IQCM: variants seen among roughly 807,000 people sequenced by gnomAD.
IQCM encodes IQ domain-containing protein M.
Under a neutral mutation model 57.6 loss-of-function variants are expected in IQCM, and 45 were observed. The observed-to-expected ratio is 0.78, with a 90% CI of 0.62 to 1.00. The LOEUF (loss-of-function observed/expected upper bound fraction) is 1.00, where lower values mean the gene tolerates loss of function less well. Among genes scored for constraint, IQCM ranks in the 50% least tolerant of loss-of-function variants. The pLI is 0.00. For missense variants in IQCM, 468 were observed against 511.6 expected (o/e 0.91, Z 0.82); for synonymous variants, 148 against 158.9 (o/e 0.93, Z 0.51).
chr4:149,449,889 G>A (rs971440596), intron 12 of IQCM, among the ~76,000 whole-genome samples: 2 of 151,468 alleles, frequency 1.3e-5, no homozygotes, highest in East Asian at 1.9e-4. Flanking sequence ...AAAAAAGACC[G>A]AGAGTAGCCA....
At chr4:149,541,775 A>C (rs1475091187) in intron 12 of IQCM, among the ~76,000 whole-genome samples, 1 of 152,074 alleles carries the variant, frequency 6.6e-6, no homozygotes, top group Non-Finnish European at 1.5e-5. Context: ...GAATGAAAAA[A>C]AAAGAGCTAA....
intron 13 of IQCM, among the ~76,000 whole-genome samples, chr4:149,398,100 T>A (rs1732356861): frequency 2.0e-5 from 3 of 152,036 alleles, no homozygotes; most frequent in African/African-American, 7.2e-5. Context: ...CACAATTTCA[T>A]TGTTTTGAAT....
At chr4:149,742,283 G>A (rs1244575419) in intron 3 of IQCM, among the ~76,000 whole-genome samples, 1 of 152,070 alleles carries the variant, frequency 6.6e-6, no homozygotes, top group Admixed American at 6.5e-5. Flanking sequence ...ATCATCACTT[G>A]AAAAAATAGA....
At position 149,792,427 on chromosome 4, in the gene IQCM, G is replaced by A. The variant is rs1354913761; in HGVS notation, c.-49+22884C>T. Among the ~76,000 whole-genome samples, 4 of 152,002 alleles carry A rather than the reference G, an allele frequency of 2.6e-5. No individual in the cohort carries two copies. In the South Asian group the frequency reaches 6.2e-4, roughly 24 times the overall value. ...AAAAAAATATAAAATTTTCAGGCAGGAGCACTTTATACTATGTGATGTTAA... is the reference window on the plus strand; with the variant it reads ...AAAAAAATATAAAATTTTCAGGCAGAAGCACTTTATACTATGTGATGTTAA... On this transcript the variant is annotated intron_variant, in intron 2 of 13. Coordinates refer to ENST00000636793, the MANE Select transcript of IQCM (RefSeq NM_001363507.2).
At chr4:149,553,883 A>G (rs1020467593) in intron 10 of IQCM, among the ~76,000 whole-genome samples, 2 of 152,186 alleles carry the variant, frequency 1.3e-5, no homozygotes, top group Admixed American at 1.3e-4. Flanking sequence ...ACATTCCACC[A>G]GAACAATTTT....
At chr4:149,638,559 C>T (rs1327540573) in intron 7 of IQCM, among the ~76,000 whole-genome samples, 3 of 151,632 alleles carry the variant, frequency 2.0e-5, no homozygotes, top group African/African-American at 4.9e-5. Context: ...GACTACTACT[C>T]GTTAATAAAA....
intron 2 of IQCM, among the ~76,000 whole-genome samples, chr4:149,811,677 C>T (rs1774580450): frequency 6.6e-6 from 1 of 152,168 alleles, no homozygotes; most frequent in Non-Finnish European, 1.5e-5. Flanking sequence ...AGTGAACCCA[C>T]TTCAGTGCTC....
intron 2 of IQCM, among the ~76,000 whole-genome samples, chr4:149,814,811 G>A (rs765478109): frequency 6.6e-6 from 1 of 151,912 alleles, no homozygotes; most frequent in Admixed American, 6.6e-5. Context: ...TGATGGTTCT[G>A]TATATGACCA....
intron 9 of IQCM, among the ~76,000 whole-genome samples, chr4:149,574,467 A>G (rs1467920517): frequency 6.6e-6 from 1 of 151,988 alleles, no homozygotes; most frequent in Non-Finnish European, 1.5e-5. Flanking sequence ...TGAGAGAAAG[A>G]ACAGGGCTGA....
intron 13 of IQCM, among the ~76,000 whole-genome samples, chr4:149,374,784 T>C (rs1730592595): frequency 6.6e-6 from 1 of 152,124 alleles, no homozygotes; most frequent in African/African-American, 2.4e-5. Context: ...TTTACCACTG[T>C]GGTTACTTGC....
intron 13 of IQCM, among the ~76,000 whole-genome samples, chr4:149,379,339 A>C (rs1730918374): frequency 6.6e-6 from 1 of 152,166 alleles, no homozygotes; most frequent in African/African-American, 2.4e-5. Context: ...TGCACCCTGC[A>C]CATGGAAAAT....
rs976622631 is a variant in IQCM at position 149,642,916 on chromosome 4, A to C, written c.566-21672T>G. Among the ~76,000 whole-genome samples the C allele has an allele frequency of 2.0e-5, 3 of 152,180 alleles. No individual in the cohort carries two copies. In the East Asian group the frequency reaches 5.8e-4, roughly 29 times the overall value. On this transcript the variant is annotated intron_variant, in intron 7 of 13. Transcript: ENST00000636793. ...AACTGGTGGTTACTTAGCAGAACTC[A>C]TACACAATATAGTACCTGCCCTAGA...
At chr4:149,424,701 CTG>C (rs964275403) in intron 13 of IQCM, among the ~76,000 whole-genome samples, 4 of 151,750 alleles carry the variant, frequency 2.6e-5, no homozygotes, top group African/African-American at 9.7e-5. Flanking sequence ...AATGACATAA[CTG>C]TAATGGTCAC....
intron 7 of IQCM, among the ~76,000 whole-genome samples, chr4:149,621,722 C>T (rs1162248709): frequency 3.3e-5 from 5 of 152,040 alleles, no homozygotes; most frequent in East Asian, 1.9e-4. Flanking sequence ...GTAAATAGGT[C>T]GAAAGCACAA....
intron 7 of IQCM, among the ~76,000 whole-genome samples, chr4:149,643,028 T>G (rs1758333343): frequency 6.8e-6 from 1 of 146,264 alleles, no homozygotes; most frequent in Admixed American, 6.8e-5. Context: ...TTTAAATTTT[T>G]TCCTTTTTTT....
chr4:149,449,388 AAT>A (rs928506259), intron 12 of IQCM, among the ~76,000 whole-genome samples: 37 of 145,546 alleles, frequency 2.5e-4, no homozygotes, highest in African/African-American at 8.0e-4. Flanking sequence ...TTATATATAT[AAT>A]ATATATATTT....
At chr4:149,521,802 C>T (rs941072235) in intron 12 of IQCM, among the ~76,000 whole-genome samples, 3 of 152,162 alleles carry the variant, frequency 2.0e-5, no homozygotes, top group Non-Finnish European at 2.9e-5. Context: ...AGTCCTCTCC[C>T]ACTGCCATCC....
intron 7 of IQCM, among the ~76,000 whole-genome samples, chr4:149,627,703 C>T (rs1756932116): frequency 6.6e-6 from 1 of 152,124 alleles, no homozygotes; most frequent in Admixed American, 6.5e-5. Flanking sequence ...GAAAGAGACC[C>T]ATGTCCTAAT....
chr4:149,368,779 TAC>T (rs1730035237), intron 13 of IQCM, among the ~76,000 whole-genome samples: 1 of 118,518 alleles, frequency 8.4e-6, no homozygotes, highest in African/African-American at 2.9e-5. Context: ...TACATATATA[TAC>T]ATGTATATAT....
Sources: gnomAD v4.1 joint callset for allele counts (sites outside exome capture counted in the v4.1 genomes callset) on GRCh38, gnomAD v4.1.1 for gene constraint, MANE v1.5 for transcripts, NCBI Gene and HGNC (gene_info 2026-07-23, HGNC 2026-07-21) for gene names.